Variants in GNG10 observed in about 807,000 individuals in gnomAD.
The protein encoded by GNG10 is guanine nucleotide-binding protein G(I)/G(S)/G(O) subunit gamma-10.
A neutral mutation model predicts 6.8 loss-of-function variants in GNG10; 7 were observed. That is an observed-to-expected ratio of 1.02 (90% CI 0.58 to 1.92). The LOEUF is 1.92. GNG10 is among the 30% of genes most tolerant of loss of function. GNG10 has a pLI of 0.00. For missense variants in GNG10, 57 were observed against 86.1 expected (o/e 0.66, Z 1.34); for synonymous variants, 28 against 34.8 (o/e 0.80, Z 0.69).
intron 1 of GNG10, 64 bp from the exon 2 acceptor site, chr9:111,666,751 T>C: frequency 6.5e-7 from 1 of 1,544,238 alleles, no homozygotes; most frequent in Non-Finnish European, 8.8e-7. Context: ...GTTTTCAGAA[T>C]ATCCTTGACT....
In GNG10 at chr9:111,661,754, C is replaced by T. The variant is rs745414847; in HGVS notation, c.81+39C>T. On this transcript the variant is annotated intron_variant, in intron 1 of 2. Transcript: ENST00000374293. This position sits in a 1 kb window ranked among gnomAD's most constrained non-coding sequence, Gnocchi z 6.1. ...GTACCCACGCTCCGGTCCTTCCGCC[C>T]GCGGGGCGTGAGAAGAGGAGGCCGG... The T allele has an allele frequency of 6.6e-5, 81 of 1,219,478 alleles. No homozygotes were observed. Among genetic ancestry groups the T allele is most frequent in the Non-Finnish European group, 8.3e-5 (78 of 944,532 alleles). The allele number at this position is 1,219,478 out of a possible 1,614,324, so 75.5% of individuals were successfully genotyped here.
chr9:111,666,259 G>A lies in GNG10; in HGVS notation c.82-556G>A, dbSNP rs1014690300. ...CAGATGAGGAAGCAGCTACTGAGACGTTGAGTAACTTGCCCAAGGTTATAT... is the reference window on the plus strand; with the variant it reads ...CAGATGAGGAAGCAGCTACTGAGACATTGAGTAACTTGCCCAAGGTTATAT... On this transcript the variant is annotated intron_variant, in intron 1 of 2. Transcript: ENST00000374293. Among the ~76,000 whole-genome samples the A allele has an allele frequency of 7.9e-5, 12 of 152,184 alleles. No homozygotes were observed. The East Asian group carries it at 1.7e-3, about 22-fold the overall frequency.
At chr9:111,665,696 T>C (rs1000510852) in intron 1 of GNG10, among the ~76,000 whole-genome samples, 1 of 152,124 alleles carries the variant, frequency 6.6e-6, no homozygotes, top group Non-Finnish European at 1.5e-5. Flanking sequence ...TTCTACCACA[T>C]TCTACTGGTC....
intron 1 of GNG10, among the ~76,000 whole-genome samples, chr9:111,665,108 G>A (rs1368106831): frequency 6.6e-6 from 1 of 152,000 alleles, no homozygotes; most frequent in Non-Finnish European, 1.5e-5. Context: ...AACATAAACA[G>A]TTAATTTTCC....
chr9:111,661,617 G>A lies in GNG10; in HGVS notation c.-18G>A. 2.3e-6 allele frequency: 3 copies of A among 1,296,812 alleles called. No homozygotes were observed. The highest frequency in any genetic ancestry group is 3.0e-6 in the Non-Finnish European group (3 of 1,000,720). The allele number at this position is 1,296,812 out of a possible 1,614,324, so 80.3% of individuals were successfully genotyped here. On this transcript the variant is annotated 5_prime_UTR_variant, in exon 1 of 3. Transcript: ENST00000374293. This position sits in a 1 kb window ranked among gnomAD's most constrained non-coding sequence, Gnocchi z 6.1. ...CCCGGCCGGGCCCAGCAGCCCCTAG[G>A]AGCCCAGCGCCGCCGCCATGTCCTC...
rs1027698580 is a variant in GNG10, at chr9:111,664,066, C to T, written c.81+2351C>T. Reference sequence around the variant, plus strand: ...GCCAGGCTGGTATCGATCTCCTGACCTCAGGTGATCCTCCCGCCTCAAGCT... The same window carrying T: ...GCCAGGCTGGTATCGATCTCCTGACTTCAGGTGATCCTCCCGCCTCAAGCT... On this transcript the variant is annotated intron_variant, in intron 1 of 2. Transcript: ENST00000374293. Among the ~76,000 whole-genome samples the T allele has an allele frequency of 2.6e-5, 4 of 151,642 alleles. No homozygotes were observed. In the South Asian group the frequency reaches 8.3e-4, roughly 32 times the overall value.
At chr9:111,664,264 C>T (rs945817133) in intron 1 of GNG10, among the ~76,000 whole-genome samples, 1 of 152,254 alleles carries the variant, frequency 6.6e-6, no homozygotes, top group South Asian at 2.1e-4. Flanking sequence ...GAGGTGCGCT[C>T]ATGGAAGTAT....
In GNG10 at chr9:111,669,894, TATG is replaced by T. The variant is rs1189918437; in HGVS notation, c.*636_*638del. 1 of 138,518 alleles carries T rather than the reference TATG, an allele frequency of 7.2e-6. No homozygotes were observed. The highest frequency in any genetic ancestry group is 1.5e-5 in the Non-Finnish European group (1 of 65,576). 8.6% of individuals were successfully genotyped at this position (138,518 alleles called of 1,614,324 possible). On this transcript the variant is annotated 3_prime_UTR_variant, in exon 3 of 3. Coordinates refer to ENST00000374293, the MANE Select transcript of GNG10 (RefSeq NM_001017998.4). ...CAAACTTCTTTGGAAAAGTTAATGT[TATG>T]ATGTGCATTAGGCTGCCCCATCGTG... is the stretch of plus-strand genomic sequence containing the variant.
intron 2 of GNG10, among the ~76,000 whole-genome samples, chr9:111,667,224 TCTTC>T (rs1292030440): frequency 3.4e-5 from 5 of 148,534 alleles, no homozygotes; most frequent in South Asian, 2.1e-4. Context: ...GGTAGTAATT[TCTTC>T]CTTTCTTTCT....
intron 1 of GNG10, among the ~76,000 whole-genome samples, chr9:111,662,290 G>A (rs1404271356): frequency 6.6e-6 from 1 of 152,144 alleles, no homozygotes; most frequent in Non-Finnish European, 1.5e-5. Flanking sequence ...GCCCAGGGCT[G>A]AAAGAGGTCA....
At chr9:111,663,991 C>CT (rs568835533) in intron 1 of GNG10, among the ~76,000 whole-genome samples, 2,154 of 135,838 alleles carry the variant, frequency 0.016, 21 homozygotes, top group East Asian at 0.046. Context: ...CACTAATTGG[C>CT]TTTTTTTTTT....
chr9:111,662,738 G>T (rs540452317), intron 1 of GNG10, among the ~76,000 whole-genome samples: 1 of 152,324 alleles, frequency 6.6e-6, no homozygotes, highest in East Asian at 1.9e-4. Flanking sequence ...ATCGCTTCAT[G>T]TACTAAGTGG....
intron 1 of GNG10, among the ~76,000 whole-genome samples, chr9:111,664,527 CT>C (rs1830870843): frequency 6.6e-6 from 1 of 152,098 alleles, no homozygotes; most frequent in Non-Finnish European, 1.5e-5. Flanking sequence ...TTAGAGGAGC[CT>C]CACAGAAGTT....
chr9:111,661,621 C>T lies in GNG10; in HGVS notation c.-14C>T, dbSNP rs1196003160. ...GCCGGGCCCAGCAGCCCCTAGGAGC[C>T]CAGCGCCGCCGCCATGTCCTCCGGG... On this transcript the variant is annotated 5_prime_UTR_variant, in exon 1 of 3. Coordinates refer to ENST00000374293, the MANE Select transcript of GNG10 (RefSeq NM_001017998.4). This position sits in a 1 kb window ranked among gnomAD's most constrained non-coding sequence, Gnocchi z 6.1. 7.6e-6 allele frequency: 10 copies of T among 1,308,134 alleles called. No individual in the cohort carries two copies. Among genetic ancestry groups the T allele is most frequent in the African/African-American group, 4.6e-5 (3 of 64,686 alleles). 81.0% of individuals were successfully genotyped at this position (1,308,134 alleles called of 1,614,324 possible).
chr9:111,668,883 G>A (rs944804844), intron 2 of GNG10, among the ~76,000 whole-genome samples: 1 of 151,838 alleles, frequency 6.6e-6, no homozygotes, highest in Non-Finnish European at 1.5e-5. Context: ...TTGAGACGGA[G>A]TTTTGCTCTT....
At chr9:111,663,205 A>C (rs534017276) in intron 1 of GNG10, among the ~76,000 whole-genome samples, 69 of 152,298 alleles carry the variant, frequency 4.5e-4, no homozygotes, top group African/African-American at 1.3e-3. Flanking sequence ...GCCCCTGAGC[A>C]GGCACGCAGA....
intron 1 of GNG10, among the ~76,000 whole-genome samples, chr9:111,664,517 T>G (rs926281916): frequency 6.6e-6 from 1 of 152,056 alleles, no homozygotes; most frequent in African/African-American, 2.4e-5. Context: ...AACTCCTCCT[T>G]TAGAGGAGCC....
rs759984849 is a variant in GNG10, at chr9:111,664,082, G to A, written c.81+2367G>A. On this transcript the variant is annotated intron_variant, in intron 1 of 2. Transcript: ENST00000374293. ...TCTCCTGACCTCAGGTGATCCTCCCGCCTCAAGCTCCCAAAGTGCTGGGAT... is the reference window on the plus strand; with the variant it reads ...TCTCCTGACCTCAGGTGATCCTCCCACCTCAAGCTCCCAAAGTGCTGGGAT... Among the ~76,000 whole-genome samples the A allele has an allele frequency of 4.0e-5, 6 of 150,332 alleles. No individual in the cohort carries two copies. The Admixed American group carries it at 4.0e-4, about 10-fold the overall frequency.
At chr9:111,662,676 A>T (rs1317183157) in intron 1 of GNG10, among the ~76,000 whole-genome samples, 1 of 152,078 alleles carries the variant, frequency 6.6e-6, no homozygotes, top group Non-Finnish European at 1.5e-5. Context: ...TGCTACAGGG[A>T]ATAGGGTGGT....
Sources: gnomAD v4.1 joint callset for allele counts (sites outside exome capture counted in the v4.1 genomes callset) on GRCh38, gnomAD v4.1.1 for gene constraint, Gnocchi (gnomAD v3.1) non-coding constraint, MANE v1.5 for transcripts, NCBI Gene and HGNC (gene_info 2026-07-23, HGNC 2026-07-21) for gene names.